Variants in SOX6 observed in about 807,000 individuals in gnomAD.
SOX6 encodes the protein transcription factor SOX-6.
A neutral mutation model predicts 97.8 loss-of-function variants in SOX6; 11 were observed. The observed-to-expected ratio is 0.11, with a 90% CI of 0.07 to 0.19. SOX6 has a LOEUF of 0.19. SOX6 is among the 10% of genes least tolerant of loss of function. SOX6 has a pLI of 1.00. For missense variants in SOX6, 810 were observed against 1,039.5 expected (o/e 0.78, Z 3.04); for synonymous variants, 360 against 371.4 (o/e 0.97, Z 0.35).
At chr11:16,376,984 A>G (rs1041720833) in intron 1 of SOX6, among the ~76,000 whole-genome samples, 6 of 152,094 alleles carry the variant, frequency 3.9e-5, no homozygotes, top group Non-Finnish European at 7.4e-5. Context: ...TGCTATCTCA[A>G]GAAATGAAAA....
At chr11:16,175,321 G>A (rs1851155668) in intron 6 of SOX6, among the ~76,000 whole-genome samples, 1 of 151,878 alleles carries the variant, frequency 6.6e-6, no homozygotes, top group Admixed American at 6.6e-5. Context: ...GCAATTACTA[G>A]GGGTTTTATA....
At chr11:16,149,321 A>G (rs1200001470) in intron 6 of SOX6, among the ~76,000 whole-genome samples, 1 of 152,144 alleles carries the variant, frequency 6.6e-6, no homozygotes, top group Non-Finnish European at 1.5e-5. Context: ...TAGGCTCTAC[A>G]GTAATTTCCT....
At chr11:16,665,643 T>A (rs1177766792) in intron 3 of SOX6, among the ~76,000 whole-genome samples, 1 of 152,218 alleles carries the variant, frequency 6.6e-6, no homozygotes, top group Non-Finnish European at 1.5e-5. Context: ...GACACAAGCC[T>A]GGCTGGCTTC....
chr11:16,428,098 A>T (rs991734055), intron 1 of SOX6, among the ~76,000 whole-genome samples: 3 of 152,168 alleles, frequency 2.0e-5, no homozygotes, highest in Non-Finnish European at 4.4e-5. Flanking sequence ...GAGCATTTTT[A>T]CATGTGTCTT....
Position 16,537,666 on chromosome 11 carries a change from T to C in SOX6, n.610-61278A>G, listed in dbSNP as rs143535691. 1.8e-3 allele frequency among the ~76,000 whole-genome samples: 270 copies of C among 152,222 alleles called. 1 individual carries two copies. Among genetic ancestry groups the C allele is most frequent in the African/African-American group, 6.3e-3 (262 of 41,546 alleles). On this transcript the variant is annotated intron_variant and non_coding_transcript_variant, in intron 4 of 5. Transcript: ENST00000524520. ...GGAGCTGAAAACCACAGCATGAGAATTGTGTGATGGATACACAAGCTTCAA... is the reference window on the plus strand; with the variant it reads ...GGAGCTGAAAACCACAGCATGAGAACTGTGTGATGGATACACAAGCTTCAA...
intron 6 of SOX6, among the ~76,000 whole-genome samples, chr11:16,120,561 C>CATAT (rs71455877): frequency 0.036 from 5,163 of 144,956 alleles, 98 homozygotes; most frequent in South Asian, 0.062. Context: ...GCTAACTTCA[C>CATAT]ATATATATAT....
chr11:16,309,307 T>A (rs751511134), intron 3 of SOX6, among the ~76,000 whole-genome samples: 1 of 152,140 alleles, frequency 6.6e-6, no homozygotes, highest in Non-Finnish European at 1.5e-5. Flanking sequence ...TACTGCTATA[T>A]AGCATAGCAT....
chr11:16,603,409 T>A (rs1848294940), intron 4 of SOX6, among the ~76,000 whole-genome samples: 1 of 152,094 alleles, frequency 6.6e-6, no homozygotes, highest in Non-Finnish European at 1.5e-5. Context: ...GGAAAGACAG[T>A]AGATCTGCCC....
chr11:16,010,904 CAG>C (rs1287324213), intron 13 of SOX6, among the ~76,000 whole-genome samples: 1 of 151,960 alleles, frequency 6.6e-6, no homozygotes, highest in Admixed American at 6.6e-5. Context: ...GAAATTCACT[CAG>C]TGTTTTATCA....
chr11:16,129,692 A>T (rs184120353), intron 6 of SOX6, among the ~76,000 whole-genome samples: 1 of 152,310 alleles, frequency 6.6e-6, no homozygotes, highest in African/African-American at 2.4e-5. Flanking sequence ...ATAAAGGAGC[A>T]AAAACATAAG....
intron 6 of SOX6, among the ~76,000 whole-genome samples, chr11:16,152,849 G>A (rs1278005558): frequency 6.6e-6 from 1 of 151,584 alleles, no homozygotes; most frequent in Non-Finnish European, 1.5e-5. Context: ...GATTACAGGT[G>A]TGTGCCACCA....
intron 3 of SOX6, among the ~76,000 whole-genome samples, chr11:16,250,255 T>G (rs1367121087): frequency 6.8e-6 from 1 of 148,052 alleles, no homozygotes; most frequent in Non-Finnish European, 1.5e-5. Flanking sequence ...GCCATTAAAT[T>G]TTATAAAACA....
chr11:16,703,244 T>C (rs948025079), intron 3 of SOX6, among the ~76,000 whole-genome samples: 5 of 152,116 alleles, frequency 3.3e-5, no homozygotes, highest in African/African-American at 1.2e-4. Context: ...AATTATTCCA[T>C]ATACACCGAT....
intron 1 of SOX6, among the ~76,000 whole-genome samples, chr11:16,447,283 T>C (rs1246768425): frequency 6.6e-6 from 1 of 152,172 alleles, no homozygotes; most frequent in African/African-American, 2.4e-5. Flanking sequence ...AATAAACCAA[T>C]CTTGAATATG....
chr11:16,086,935 T>C (rs1007022314), intron 9 of SOX6, among the ~76,000 whole-genome samples: 1 of 152,214 alleles, frequency 6.6e-6, no homozygotes, highest in African/African-American at 2.4e-5. Context: ...TTCACTTGAA[T>C]ATTATAACAA....
chr11:16,656,466 TTAACTCCTTGGTTAAGC>T (rs1268470473), intron 3 of SOX6, among the ~76,000 whole-genome samples: 2 of 152,194 alleles, frequency 1.3e-5, no homozygotes, highest in South Asian at 2.1e-4. Flanking sequence ...GTATTTTAGC[TTAACTCCTTGGTTAAGC>T]TAACTCCTTG....
chr11:16,128,394 C>T (rs1193665289), intron 6 of SOX6, among the ~76,000 whole-genome samples: 1 of 152,156 alleles, frequency 6.6e-6, no homozygotes, highest in Admixed American at 6.6e-5. Flanking sequence ...TTTAGAATCA[C>T]AGACTTTTAG....
intron 6 of SOX6, among the ~76,000 whole-genome samples, chr11:16,132,330 GGAAAGAAA>G (rs1269790379): frequency 1.5e-3 from 101 of 68,382 alleles, no homozygotes; most frequent in Admixed American, 2.8e-3. Context: ...AAGGAAGGAA[GGAAAGAAA>G]AAAGAAAGAA....
intron 3 of SOX6, among the ~76,000 whole-genome samples, chr11:16,261,234 T>C (rs1001320811): frequency 7.2e-5 from 11 of 152,178 alleles, no homozygotes; most frequent in Admixed American, 4.6e-4. Context: ...GGCACAGCCA[T>C]TGGCATATGG....
Sources: allele counts gnomAD v4.1 joint callset (sites outside exome capture counted in the v4.1 genomes callset), GRCh38; gene constraint gnomAD v4.1.1; transcripts MANE v1.5; gene names NCBI Gene and HGNC (gene_info 2026-07-23, HGNC 2026-07-21).